The following ADAM32 variants were observed in gnomAD, a reference collection of about 807,000 sequenced individuals.
ADAM32 encodes ADAM metallopeptidase domain 32.
In ADAM32, 89 loss-of-function variants were observed where a neutral mutation model predicts 114.9. The ratio of observed to expected loss-of-function variants is 0.77; its 90% confidence interval spans 0.65 to 0.92. The LOEUF (loss-of-function observed/expected upper bound fraction) is 0.92, where lower values mean the gene tolerates loss of function less well. ADAM32 is among the 40% of genes least tolerant of loss of function. The pLI is 0.00. For synonymous variants in ADAM32, 285 were observed against 307.5 expected (o/e 0.93, Z 0.77); for missense variants, 870 against 932.8 (o/e 0.93, Z 0.88).
At chr8:39,255,210 CTT>C (rs571824048) in intron 18 of ADAM32, among the ~76,000 whole-genome samples, 109 of 151,824 alleles carry the variant, frequency 7.2e-4, no homozygotes, top group African/African-American at 2.5e-3. Flanking sequence ...TATGTAATGA[CTT>C]TTATATAATG....
intron 2 of ADAM32, among the ~76,000 whole-genome samples, chr8:39,126,370 TCTC>T (rs1202812995): frequency 2.0e-5 from 3 of 152,190 alleles, no homozygotes; most frequent in Non-Finnish European, 4.4e-5. Context: ...GGTTTGTAGT[TCTC>T]CTTGAAGAGG....
chr8:39,114,260 A>G (rs1013941074), intron 1 of ADAM32, among the ~76,000 whole-genome samples: 1 of 152,238 alleles, frequency 6.6e-6, no homozygotes, highest in African/African-American at 2.4e-5. Flanking sequence ...GGGCATAGTC[A>G]TCATGGTAAA....
In ADAM32 at chr8:39,223,214, C is replaced by T. The variant is rs767287185; in HGVS notation, c.1501C>T (p.Arg501Cys). 14 of 1,588,204 alleles carry T rather than the reference C, an allele frequency of 8.8e-6. No individual in the cohort carries two copies. Among genetic ancestry groups the T allele is most frequent in the African/African-American group, 4.1e-5 (3 of 73,874 alleles). Residue 501 changes from arginine (R) to cysteine (C), a missense_variant, in exon 14 of 25, where the codon CGT (arginine) becomes TGT (cysteine). Coordinates refer to ENST00000379907, the MANE Select transcript of ADAM32 (RefSeq NM_145004.7). ...CGGAGACTGCCATGATCTCGATGCA[C>T]GTTGTGAGAGTGTATTTGGAAAAGG... ...YDGDCHDLDA[R>C]CESVFGKGSR...
intron 2 of ADAM32, among the ~76,000 whole-genome samples, chr8:39,122,382 G>T (rs528691082): frequency 3.9e-4 from 60 of 152,120 alleles, no homozygotes; most frequent in South Asian, 1.9e-3. Flanking sequence ...GATTGGACTG[G>T]TGTCCTTATA....
rs781554912 is a variant in ADAM32 at position 39,169,968 on chromosome 8, A to G, written c.886A>G (p.Ile296Val). 5.0e-6 allele frequency: 8 copies of G among 1,600,028 alleles called. No individual in the cohort carries two copies. The highest frequency in any genetic ancestry group is 6.8e-6 in the Non-Finnish European group (8 of 1,171,212). ...AGCAGTGTTTCCTGGAACAATGTGT[A>G]TTACTCGTTATTCTGCAGGAGTTGC... ...LGAVFPGTMC[I>V]TRYSAGVALY... The change falls in exon 10 of 25, where the codon ATT becomes GTT. Residue 296 changes from isoleucine (I) to valine (V), a missense_variant. By Grantham distance (29) the Ile-to-Val change is conservative. Coordinates refer to ENST00000379907, the MANE Select transcript of ADAM32 (RefSeq NM_145004.7).
intron 23 of ADAM32, among the ~76,000 whole-genome samples, chr8:39,281,452 C>T (rs1220896086): frequency 6.6e-6 from 1 of 152,120 alleles, no homozygotes; most frequent in African/African-American, 2.4e-5. Context: ...TTTATGATTA[C>T]TTTGTGAAAC....
chr8:39,234,460 C>T (rs1809968737), intron 16 of ADAM32, among the ~76,000 whole-genome samples: 2 of 152,114 alleles, frequency 1.3e-5, no homozygotes, highest in South Asian at 4.1e-4. Flanking sequence ...TGAATAACAG[C>T]ACAACTTAGA....
At chr8:39,195,675 T>C (rs1806935406) in intron 11 of ADAM32, among the ~76,000 whole-genome samples, 2 of 151,482 alleles carry the variant, frequency 1.3e-5, no homozygotes, top group African/African-American at 4.8e-5. Flanking sequence ...CACACGTATA[T>C]GTTCTTGGTA....
At chr8:39,228,721 A>G (rs556454347) in intron 14 of ADAM32, among the ~76,000 whole-genome samples, 68 of 152,350 alleles carry the variant, frequency 4.5e-4, no homozygotes, top group African/African-American at 1.6e-3. Flanking sequence ...GGGGCTCCTG[A>G]GTAAGAAGAG....
At chr8:39,251,251 C>T (rs1351087528) in intron 17 of ADAM32, among the ~76,000 whole-genome samples, 1 of 151,798 alleles carries the variant, frequency 6.6e-6, no homozygotes, top group African/African-American at 2.4e-5. Context: ...AATCTCCACA[C>T]AATTTTTTAT....
At chr8:39,121,413 A>G (rs909645235) in intron 2 of ADAM32, among the ~76,000 whole-genome samples, 1 of 152,034 alleles carries the variant, frequency 6.6e-6, no homozygotes, top group Non-Finnish European at 1.5e-5. Context: ...GAACACATGG[A>G]CACAGGGAGG....
intron 3 of ADAM32, among the ~76,000 whole-genome samples, chr8:39,146,917 A>G (rs1803540500): frequency 6.6e-6 from 1 of 152,232 alleles, no homozygotes. Context: ...TTTGAAGGCC[A>G]TATGTTCTTT....
At chr8:39,161,412 A>C (rs1415831205) in intron 7 of ADAM32, among the ~76,000 whole-genome samples, 10 of 152,158 alleles carry the variant, frequency 6.6e-5, no homozygotes, top group Non-Finnish European at 1.5e-4. Flanking sequence ...GTTTTTTAGC[A>C]GTTTTTGGTG....
At chr8:39,151,100 A>G (rs1054576901) in intron 5 of ADAM32, among the ~76,000 whole-genome samples, 15 of 152,168 alleles carry the variant, frequency 9.9e-5, no homozygotes, top group African/African-American at 2.9e-4. Flanking sequence ...GACTTGGAAA[A>G]CAATAGAATT....
chr8:39,261,297 A>T (rs1022071368), intron 19 of ADAM32, among the ~76,000 whole-genome samples: 2 of 152,068 alleles, frequency 1.3e-5, no homozygotes, highest in South Asian at 2.1e-4. Context: ...TAGCTTCCAC[A>T]TATAAATGAG....
intron 14 of ADAM32, among the ~76,000 whole-genome samples, chr8:39,226,556 A>G (rs1403686606): frequency 2.6e-5 from 4 of 152,142 alleles, no homozygotes; most frequent in African/African-American, 9.7e-5. Context: ...ATTAAGTAAC[A>G]TAATCCAACA....
At chr8:39,224,757 G>T (rs1035763145) in intron 14 of ADAM32, among the ~76,000 whole-genome samples, 3 of 151,884 alleles carry the variant, frequency 2.0e-5, no homozygotes, top group Non-Finnish European at 4.4e-5. Flanking sequence ...TTAGGATGCT[G>T]GTCTTCATCC....
In ADAM32 at chr8:39,140,353, T is replaced by G. The variant is rs186430742; in HGVS notation, c.200+3635T>G. Among the ~76,000 whole-genome samples the G allele has an allele frequency of 3.0e-4, 45 of 152,278 alleles. 2 individuals carry two copies. In the East Asian group the frequency reaches 7.7e-3, roughly 26 times the overall value. On this transcript the variant is annotated intron_variant, in intron 3 of 24. Transcript: ENST00000379907. ...CATCAATACCTGGTTTATTGAGAGT[T>G]TTTAGCATGAAGGGCTGTTGAATTT...
At chr8:39,223,651 A>G (rs1159936303) in intron 14 of ADAM32, 2 of 152,152 alleles carry the variant, frequency 1.3e-5, no homozygotes, top group African/African-American at 4.8e-5. Flanking sequence ...TATCCTTTAA[A>G]AGAATTTTTG....
Sources: allele counts gnomAD v4.1 joint callset (sites outside exome capture counted in the v4.1 genomes callset), GRCh38; gene constraint gnomAD v4.1.1; transcripts MANE v1.5; gene names NCBI Gene and HGNC (gene_info 2026-07-23, HGNC 2026-07-21).